The following TRIM36 variants were observed in gnomAD, a reference collection of about 807,000 sequenced individuals.
TRIM36 encodes tripartite motif containing 36.
In TRIM36, 42 loss-of-function variants were observed where a neutral mutation model predicts 72.4. The ratio of observed to expected loss-of-function variants is 0.58; its 90% CI spans 0.45 to 0.75. The LOEUF is 0.75. Among genes scored for constraint, TRIM36 ranks in the 30% least tolerant of loss-of-function variants. The pLI is 0.00. For synonymous variants in TRIM36, 315 were observed against 282.8 expected (o/e 1.11, Z -1.14); for missense variants, 913 against 857.1 (o/e 1.07, Z -0.81).
chr5:115,130,531 A>C (rs964296794), intron 9 of TRIM36, 61 bp downstream of exon 9: 2 of 1,524,716 alleles, frequency 1.3e-6, no homozygotes, highest in South Asian at 2.6e-5. Flanking sequence ...AACAAAGCCA[A>C]ATCTATTTTC....
chr5:115,149,143 A>C (rs1191179886), intron 2 of TRIM36: 1 of 152,214 alleles, frequency 6.6e-6, no homozygotes, highest in Non-Finnish European at 1.5e-5. Context: ...CCCCATAAAA[A>C]TTTGAAAATC....
intron 1 of TRIM36, among the ~76,000 whole-genome samples, chr5:115,166,922 G>A (rs928249357): frequency 3.3e-5 from 5 of 152,258 alleles, no homozygotes; most frequent in Middle Eastern, 3.4e-3. Context: ...TGCCTGCCCC[G>A]CCACAGCCAC....
chr5:115,165,194 C>G (rs530135272), intron 1 of TRIM36, among the ~76,000 whole-genome samples: 1 of 152,292 alleles, frequency 6.6e-6, no homozygotes, highest in African/African-American at 2.4e-5. Flanking sequence ...ATGATGAAAG[C>G]TGTTGGTGGA....
chr5:115,166,593 T>C (rs891707601), intron 1 of TRIM36, among the ~76,000 whole-genome samples: 3 of 152,212 alleles, frequency 2.0e-5, no homozygotes. Context: ...CTGGACACAG[T>C]ACAGGAACTC....
At chr5:115,128,523 C>T (rs888018211) in intron 9 of TRIM36, among the ~76,000 whole-genome samples, 10 of 151,028 alleles carry the variant, frequency 6.6e-5, no homozygotes, top group Non-Finnish European at 1.5e-4. Context: ...GAGGCTGAGG[C>T]GGGTGGATCA....
At chr5:115,160,886 G>C (rs1439180377) in intron 2 of TRIM36, among the ~76,000 whole-genome samples, 1 of 152,024 alleles carries the variant, frequency 6.6e-6, no homozygotes, top group Non-Finnish European at 1.5e-5. Context: ...TAAGAAGAAA[G>C]CTGTCAGAAA....
Position 115,133,975 on chromosome 5 carries a change from T to G in TRIM36, c.1383A>C (p.Lys461Asn), listed in dbSNP as rs1213322965. Reference protein sequence around the residue: ...WNEIEVCGTSKIIQDLENSST... With the variant: ...WNEIEVCGTSNIIQDLENSST... ...TACTGTTTTCCAAGTCTTGAATTAT[T>G]TTACTTGTTCCACACACTTCTATCT... Residue 461 changes from lysine to asparagine, a missense_variant, in exon 8 of 10, where the codon AAA (lysine) becomes AAC (asparagine). Physicochemically the swap from Lys to Asn is moderately conservative, Grantham distance 94. Coordinates refer to ENST00000513154, the MANE Select transcript of TRIM36 (RefSeq NM_001300759.2). The G allele has an allele frequency of 6.2e-7, 1 of 1,613,952 alleles. No individual in the cohort carries two copies. The highest frequency in any genetic ancestry group is 1.7e-5 in the Admixed American group (1 of 60,008).
chr5:115,158,369 C>A (rs1227230841), intron 2 of TRIM36, among the ~76,000 whole-genome samples: 1 of 152,130 alleles, frequency 6.6e-6, no homozygotes, highest in African/African-American at 2.4e-5. Flanking sequence ...TATAGCAAAT[C>A]CCCTAAAAAA....
intron 1 of TRIM36, among the ~76,000 whole-genome samples, chr5:115,165,217 G>C (rs1012305816): frequency 6.6e-6 from 1 of 152,154 alleles, no homozygotes; most frequent in African/African-American, 2.4e-5. Flanking sequence ...TACCATTCTG[G>C]GGTCTGGAGG....
At position 115,134,210 on chromosome 5, in the gene TRIM36, C is replaced by CT. The variant is rs1752842961; in HGVS notation, c.1211-64_1211-63insA. Reference sequence around the variant, plus strand: ...TTGACATTTGAAAACCAGTGTTTTTCCTCAATAAAATGACATATAAACAGT... The same window carrying CT: ...TTGACATTTGAAAACCAGTGTTTTTCTCTCAATAAAATGACATATAAACAGT... On this transcript the variant is annotated intron_variant, in intron 7 of 9. Coordinates refer to ENST00000513154, the MANE Select transcript of TRIM36 (RefSeq NM_001300759.2). 2.8e-6 allele frequency: 4 copies of CT among 1,429,904 alleles called. No individual in the cohort carries two copies. In the South Asian group the frequency reaches 4.7e-5, roughly 17 times the overall value. The allele number at this position is 1,429,904 out of a possible 1,614,324, so 88.6% of individuals were successfully genotyped here. A position where few individuals can be genotyped will look rare whatever the true frequency, so the allele number is the denominator to read the frequency against.
intron 5 of TRIM36, among the ~76,000 whole-genome samples, chr5:115,138,100 A>G (rs187604451): frequency 6.0e-4 from 91 of 152,268 alleles, no homozygotes; most frequent in Non-Finnish European, 1.1e-3. Flanking sequence ...CTTTTTAAAA[A>G]GTTGTTTTTG....
At chr5:115,133,203 T>G (rs1471017075) in intron 8 of TRIM36, among the ~76,000 whole-genome samples, 3 of 152,308 alleles carry the variant, frequency 2.0e-5, no homozygotes, top group Admixed American at 2.0e-4. Flanking sequence ...AAATATCCCT[T>G]GTTCATGGAG....
intron 5 of TRIM36, among the ~76,000 whole-genome samples, chr5:115,140,843 T>C (rs145063238): frequency 1.1e-3 from 175 of 152,306 alleles, no homozygotes; most frequent in African/African-American, 4.1e-3. Context: ...AATATATGTC[T>C]TTTGGGGAAC....
intron 1 of TRIM36, among the ~76,000 whole-genome samples, chr5:115,165,608 G>A (rs1754722058): frequency 6.6e-6 from 1 of 152,240 alleles, no homozygotes; most frequent in African/African-American, 2.4e-5. Context: ...TGGAGCAGCT[G>A]CTGCAAAGAT....
chr5:115,154,180 A>G (rs1396548055), intron 2 of TRIM36, among the ~76,000 whole-genome samples: 2 of 150,494 alleles, frequency 1.3e-5, no homozygotes, highest in Admixed American at 1.4e-4. Context: ...GGAACACAGC[A>G]AAGGCAGTGC....
intron 2 of TRIM36, among the ~76,000 whole-genome samples, chr5:115,160,808 T>C (rs1391855473): frequency 6.6e-6 from 1 of 152,130 alleles, no homozygotes; most frequent in African/African-American, 2.4e-5. Flanking sequence ...ATCAAGCCAT[T>C]GCACTCCAGC....
At chr5:115,140,612 A>G (rs999377086) in intron 5 of TRIM36, among the ~76,000 whole-genome samples, 7 of 152,108 alleles carry the variant, frequency 4.6e-5, no homozygotes, top group Non-Finnish European at 1.0e-4. Flanking sequence ...TAACATCATC[A>G]TCTAGTTTCA....
chr5:115,130,661 T>A lies in TRIM36; in HGVS notation c.1727A>T (p.Lys576Ile). ...FRVEPYSYLV[K>I]VGVASSDKLQ... is the part of the protein sequence containing the mutation. ...TTTATCGCTAGAAGCAACTCCCACT[T>A]TTACCAGGTATGAATATGGTTCCAC... The change falls in exon 9 of 10, where the codon AAA becomes ATA. Residue 576 changes from lysine (K) to isoleucine (I), a missense_variant. Lys to Ile is a moderately radical substitution (Grantham distance 102). Transcript: ENST00000513154. 6.2e-7 allele frequency: 1 copy of A among 1,614,186 alleles called. No homozygotes were observed. Among genetic ancestry groups the A allele is most frequent in the Non-Finnish European group, 8.5e-7 (1 of 1,180,020 alleles).
At chr5:115,164,389 T>C (rs1275457104) in intron 1 of TRIM36, among the ~76,000 whole-genome samples, 2 of 152,088 alleles carry the variant, frequency 1.3e-5, no homozygotes, top group African/African-American at 2.4e-5. Context: ...ATAAAGAAAA[T>C]TACCTGAGGC....
Sources: allele counts gnomAD v4.1 joint callset (sites outside exome capture counted in the v4.1 genomes callset), GRCh38; gene constraint gnomAD v4.1.1; transcripts MANE v1.5; gene names NCBI Gene and HGNC (gene_info 2026-07-23, HGNC 2026-07-21).